The following THNSL1 variants were observed in gnomAD, a reference collection of about 807,000 sequenced individuals.
THNSL1 encodes threonine synthase like 1.
Under a neutral mutation model 50.4 loss-of-function variants are expected in THNSL1, and 48 were observed. That is an observed-to-expected ratio of 0.95 (90% CI 0.76 to 1.21). The LOEUF is 1.21. Ranked by LOEUF, THNSL1 falls within the 50% of genes most tolerant of loss-of-function variation. The probability of loss-of-function intolerance (pLI) is 0.00; values close to 1 mark genes in which losing one functional copy is unlikely to be tolerated. For missense variants in THNSL1, 896 were observed against 871.7 expected (o/e 1.03, Z -0.35); for synonymous variants, 309 against 306.1 (o/e 1.01, Z -0.10).
chr10:24,993,965 C>T, the THNSL1 span, among the ~76,000 whole-genome samples: 1 of 152,134 alleles, frequency 6.6e-6, no homozygotes, highest in East Asian at 1.9e-4. Flanking sequence ...CCACTTTTCC[C>T]TATCCTGTGG....
the THNSL1 span, among the ~76,000 whole-genome samples, chr10:24,960,690 G>A: frequency 6.6e-6 from 1 of 151,992 alleles, no homozygotes; most frequent in Admixed American, 6.6e-5. Context: ...GCCTCCCAAA[G>A]TGCACCCTCA....
chr10:24,988,700 A>G, the THNSL1 span, among the ~76,000 whole-genome samples: 127 of 34,462 alleles, frequency 3.7e-3, 7 homozygotes, highest in African/African-American at 0.016. Context: ...ATATATATAT[A>G]TATATATATA....
the THNSL1 span, among the ~76,000 whole-genome samples, chr10:25,005,899 T>C: frequency 6.6e-6 from 1 of 152,256 alleles, no homozygotes; most frequent in Non-Finnish European, 1.5e-5. Context: ...GTAGTTAATG[T>C]ATTCATCTAC....
chr10:24,981,776 A>C, the THNSL1 span, among the ~76,000 whole-genome samples: 2 of 152,238 alleles, frequency 1.3e-5, no homozygotes, highest in Admixed American at 6.5e-5. Context: ...TAGCATACTT[A>C]GTAAGCAGCT....
chr10:25,017,080 G>T (rs985615416), intron 1 of THNSL1, among the ~76,000 whole-genome samples: 3 of 152,166 alleles, frequency 2.0e-5, no homozygotes, highest in Non-Finnish European at 4.4e-5. Flanking sequence ...CTCTGCGCCT[G>T]CTCTTCCCCG....
At position 25,025,218 on chromosome 10, in the gene THNSL1, A is replaced by G. The variant is rs1564351018; in HGVS notation, c.1995A>G (p.Thr665=). The G allele has an allele frequency of 1.2e-6, 2 of 1,614,098 alleles. No homozygotes were observed. Among genetic ancestry groups the G allele is most frequent in the African/African-American group, 1.3e-5 (1 of 74,950 alleles). The change falls in exon 3 of 3, where the codon ACA becomes ACG. Residue 665 remains threonine (T), a synonymous_variant. Transcript: ENST00000376356. The stretch of plus-strand genomic sequence containing the variant: ...CTTGCCCTGTGATTATCTCATCTAC[A>G]GCCCATTACTCAAAGTTTGCACCTG... ...DKTCPVIISS[T]AHYSKFAPAI...
chr10:24,984,996 A>C, the THNSL1 span: 2 of 989,998 alleles, frequency 2.0e-6, no homozygotes, highest in African/African-American at 3.3e-5. Context: ...AAATGTCAAT[A>C]AGTAAAAGAA....
chr10:24,995,527 A>G, the THNSL1 span: 3 of 914,164 alleles, frequency 3.3e-6, no homozygotes, highest in South Asian at 5.8e-5. Context: ...AATGAGAATC[A>G]GCAAAGTAGA....
chr10:24,998,521 C>G, the THNSL1 span, among the ~76,000 whole-genome samples: 1 of 151,984 alleles, frequency 6.6e-6, no homozygotes, highest in South Asian at 2.1e-4. Flanking sequence ...ACTACAGGTG[C>G]ATGCCATCAC....
At chr10:25,021,070 T>G (rs1200488984) in intron 1 of THNSL1, among the ~76,000 whole-genome samples, 1 of 152,202 alleles carries the variant, frequency 6.6e-6, no homozygotes, top group Non-Finnish European at 1.5e-5. Flanking sequence ...GATTCGTGGG[T>G]GAACACCACG....
the THNSL1 span, among the ~76,000 whole-genome samples, chr10:24,954,588 A>G: frequency 2.6e-5 from 4 of 152,310 alleles, no homozygotes; most frequent in African/African-American, 9.6e-5. Flanking sequence ...AAAATCCAAC[A>G]AGTTCACAGT....
the THNSL1 span, among the ~76,000 whole-genome samples, chr10:24,980,889 G>C: frequency 1.8e-5 from 2 of 114,154 alleles, no homozygotes; most frequent in African/African-American, 8.5e-5. Flanking sequence ...GCTAAGTTTT[G>C]TATTTTTAGT....
At chr10:25,007,126 C>A in the THNSL1 span, among the ~76,000 whole-genome samples, 1 of 152,160 alleles carries the variant, frequency 6.6e-6, no homozygotes, top group Admixed American at 6.5e-5. Context: ...TTTGAGTCAT[C>A]ATGTCTAGAC....
At chr10:24,989,926 T>TA in the THNSL1 span, among the ~76,000 whole-genome samples, 1,659 of 152,230 alleles carry the variant, frequency 0.011, 34 homozygotes, top group African/African-American at 0.038. Context: ...AGCCCTGCAT[T>TA]AAAAAATCCA....
At chr10:25,008,022 A>G in the THNSL1 span, among the ~76,000 whole-genome samples, 1 of 148,972 alleles carries the variant, frequency 6.7e-6, no homozygotes, top group South Asian at 2.1e-4. Flanking sequence ...TAAATATATG[A>G]GATATATAAG....
chr10:24,973,464 T>C, the THNSL1 span, among the ~76,000 whole-genome samples: 1 of 152,228 alleles, frequency 6.6e-6, no homozygotes, highest in East Asian at 1.9e-4. Flanking sequence ...TTAAAACATA[T>C]GGATTGCTAT....
chr10:25,019,203 T>C (rs1452264374), intron 1 of THNSL1, among the ~76,000 whole-genome samples: 2 of 152,220 alleles, frequency 1.3e-5, no homozygotes, highest in Non-Finnish European at 2.9e-5. Flanking sequence ...TTGGGCACAG[T>C]GGCTCATACC....
In THNSL1 at chr10:25,023,520, G is replaced by C. The variant is rs766445552; in HGVS notation, c.297G>C (p.Val99=). The C allele has an allele frequency of 1.2e-6, 2 of 1,614,098 alleles. No homozygotes were observed. Among genetic ancestry groups the C allele is most frequent in the Admixed American group, 3.3e-5 (2 of 60,008 alleles). ...DILEKTWNMS[V]SEKLQDVGNE... ...TTGAAAAAACCTGGAATATGAGTGTGTCTGAAAAATTACAGGATGTTGGTA... is the reference window on the plus strand; with the variant it reads ...TTGAAAAAACCTGGAATATGAGTGTCTCTGAAAAATTACAGGATGTTGGTA... Residue 99 remains valine, a synonymous_variant, in exon 3 of 3, where the codon GTG becomes GTC. Coordinates refer to ENST00000376356, the MANE Select transcript of THNSL1 (RefSeq NM_024838.5).
rs746669467 is a variant in THNSL1 at position 25,024,656 on chromosome 10, C to T, written c.1433C>T (p.Pro478Leu). ...TCCATAAACTGGGGCCGACTACTTC[C>T]GCAGGTAGTTTATCATGCTTCCGCA... ...ANSINWGRLL[P>L]QVVYHASAYL... Residue 478 changes from proline (P) to leucine (L), a missense_variant, in exon 3 of 3, where the codon CCG (proline) becomes CTG (leucine). Transcript: ENST00000376356. 10 of 1,614,070 alleles carry T rather than the reference C, an allele frequency of 6.2e-6. No homozygotes were observed. Among genetic ancestry groups the T allele is most frequent in the African/African-American group, 2.7e-5 (2 of 74,920 alleles).
Sources: allele counts gnomAD v4.1 joint callset (sites outside exome capture counted in the v4.1 genomes callset), GRCh38; gene constraint gnomAD v4.1.1; transcripts MANE v1.5; gene names NCBI Gene and HGNC (gene_info 2026-07-23, HGNC 2026-07-21).